The following TEX9 variants were observed in gnomAD, a reference collection of about 807,000 sequenced individuals.
TEX9 encodes testis-expressed protein 9.
Under a neutral mutation model 59.6 loss-of-function variants are expected in TEX9, and 74 were observed. That is an observed-to-expected ratio of 1.24 (90% CI 1.03 to 1.51). The LOEUF is 1.51. Ranked by LOEUF, TEX9 falls within the 40% of genes most tolerant of loss-of-function variation. The pLI is 0.00. For missense variants in TEX9, 522 were observed against 447.8 expected, an observed-to-expected ratio of 1.17 and a Z score of -1.49; for synonymous variants, 186 against 152.2, an observed-to-expected ratio of 1.22 and a Z score of -1.64.
chr15:56,365,667 A>G (rs761666122), exon 2 of TEX9: 8 of 1,614,002 alleles, frequency 5.0e-6, no homozygotes, highest in East Asian at 2.2e-5. Context: ...GAGGAAGAAT[A>G]TAAGTAAGAA....
the TEX9 span, among the ~76,000 whole-genome samples, chr15:56,455,633 A>G: frequency 6.6e-6 from 1 of 152,208 alleles, no homozygotes. Context: ...CACTGTGACA[A>G]GGCTGTTCCT....
intron 1 of TEX9, among the ~76,000 whole-genome samples, chr15:56,356,098 T>G (rs2046679358): frequency 6.6e-6 from 1 of 152,152 alleles, no homozygotes; most frequent in Non-Finnish European, 1.5e-5. Flanking sequence ...AAGTTTTATT[T>G]CTTCATTTCT....
At chr15:56,356,148 C>G (rs749430480) in intron 1 of TEX9, among the ~76,000 whole-genome samples, 1 of 152,032 alleles carries the variant, frequency 6.6e-6, no homozygotes, top group Non-Finnish European at 1.5e-5. Context: ...CAAGGTGGAA[C>G]CTTCAGTTCT....
intron 1 of TEX9, among the ~76,000 whole-genome samples, chr15:56,360,359 G>A (rs1284462593): frequency 1.3e-5 from 2 of 152,120 alleles, no homozygotes; most frequent in Non-Finnish European, 2.9e-5. Context: ...TGGGACTGGT[G>A]ATTTCTTTCT....
chr15:56,266,014 CTTT>C (rs1247905724), intron 1 of TEX9, among the ~76,000 whole-genome samples: 25 of 152,160 alleles, frequency 1.6e-4, no homozygotes, highest in South Asian at 1.0e-3. Context: ...TATCTAATAC[CTTT>C]TATTCTGTCA....
chr15:56,260,299 G>C (rs1200126245), intron 1 of TEX9, among the ~76,000 whole-genome samples: 4 of 151,970 alleles, frequency 2.6e-5, no homozygotes, highest in African/African-American at 9.7e-5. Context: ...ATATATTTGA[G>C]TGGTTTCTGA....
intron 1 of TEX9, among the ~76,000 whole-genome samples, chr15:56,251,363 C>T (rs768376592): frequency 6.6e-6 from 1 of 152,274 alleles, no homozygotes; most frequent in Admixed American, 6.5e-5. Context: ...TGTAAGCTTC[C>T]ATCCTTGTCT....
chr15:56,373,880 C>G (rs2047306130), intron 3 of TEX9, among the ~76,000 whole-genome samples: 1 of 151,876 alleles, frequency 6.6e-6, no homozygotes. Context: ...TCCCTATGCC[C>G]CAAAATGGAG....
intron 1 of TEX9, among the ~76,000 whole-genome samples, chr15:56,300,389 G>A (rs62045724): frequency 0.3 from 44,872 of 152,002 alleles, 7,629 homozygotes; most frequent in Middle Eastern, 0.48. Context: ...CTGACTCCAG[G>A]CCCTGGCTCT....
In TEX9 at chr15:56,271,254, C is replaced by T. The variant is rs576560702; in HGVS notation, c.-107+26976C>T. 4.6e-5 allele frequency among the ~76,000 whole-genome samples: 7 copies of T among 152,214 alleles called. No homozygotes were observed. The East Asian group carries it at 5.8e-4, about 13-fold the overall frequency. ...TTTTCGAGCTTGGTTCCATTCTCCC[C>T]GTCACTTTCAGGTATACCAATCAAA... On this transcript the variant is annotated intron_variant, in intron 1 of 5. Transcript: ENST00000560827.
At chr15:56,303,354 G>GAA (rs1241864842) in intron 1 of TEX9, among the ~76,000 whole-genome samples, 11 of 152,026 alleles carry the variant, frequency 7.2e-5, no homozygotes, top group Non-Finnish European at 1.5e-4. Context: ...ATAATATCAA[G>GAA]TATCTGACCA....
intron 12 of TEX9, among the ~76,000 whole-genome samples, chr15:56,442,024 AAAT>A (rs1247222231): frequency 3.9e-5 from 6 of 151,992 alleles, no homozygotes; most frequent in South Asian, 4.1e-4. Context: ...CCATCTCAAA[AAAT>A]AATAATAAAA....
chr15:56,355,342 C>T (rs1156435432), intron 1 of TEX9, among the ~76,000 whole-genome samples: 1 of 152,070 alleles, frequency 6.6e-6, no homozygotes. Context: ...ATATATGGAT[C>T]AAGATTAGCT....
intron 9 of TEX9, among the ~76,000 whole-genome samples, chr15:56,404,514 G>T (rs1273982937): frequency 6.6e-6 from 1 of 152,178 alleles, no homozygotes; most frequent in African/African-American, 2.4e-5. Context: ...GGAGAAATAG[G>T]AACTCTTTTA....
At chr15:56,305,458 G>T (rs1306924134) in intron 1 of TEX9, among the ~76,000 whole-genome samples, 1 of 151,950 alleles carries the variant, frequency 6.6e-6, no homozygotes, top group African/African-American at 2.4e-5. Flanking sequence ...AGAGAACCCA[G>T]AAATAAATTT....
intron 1 of TEX9, among the ~76,000 whole-genome samples, chr15:56,324,894 A>T (rs1383203246): frequency 1.3e-5 from 2 of 152,192 alleles, no homozygotes; most frequent in East Asian, 3.8e-4. Context: ...ACTGAAGAAC[A>T]TGTGTAAGTG....
intron 1 of TEX9, among the ~76,000 whole-genome samples, chr15:56,307,333 C>A (rs1054061700): frequency 6.6e-6 from 1 of 152,176 alleles, no homozygotes; most frequent in Non-Finnish European, 1.5e-5. Context: ...TTTGGATTCC[C>A]CATGCTTTAC....
At chr15:56,247,445 T>G (rs1397971327) in intron 1 of TEX9, among the ~76,000 whole-genome samples, 1 of 152,102 alleles carries the variant, frequency 6.6e-6, no homozygotes, top group Non-Finnish European at 1.5e-5. Context: ...AATTGGGTCT[T>G]GTTGGATGAA....
intron 10 of TEX9, among the ~76,000 whole-genome samples, chr15:56,422,262 T>A (rs542431756): frequency 4.2e-4 from 64 of 151,588 alleles, no homozygotes; most frequent in Non-Finnish European, 8.5e-4. Context: ...AAAAAAATAA[T>A]AAAATAAAAA....
Sources: allele counts gnomAD v4.1 joint callset (sites outside exome capture counted in the v4.1 genomes callset), GRCh38; gene constraint gnomAD v4.1.1; transcripts MANE v1.5; gene names NCBI Gene and HGNC (gene_info 2026-07-23, HGNC 2026-07-21).